SORBS2: variants seen among roughly 807,000 people sequenced by gnomAD.
SORBS2 encodes the protein sorbin and SH3 domain containing 2.
SORBS2 carries 46 observed loss-of-function variants against 97.7 expected under a neutral mutation model. The observed-to-expected ratio is 0.47, with a 90% CI of 0.37 to 0.60. The LOEUF (loss-of-function observed/expected upper bound fraction) is 0.60, where lower values mean the gene tolerates loss of function less well. Ranked by LOEUF, SORBS2 falls within the 20% of genes least tolerant of loss-of-function variation. The pLI, the probability that SORBS2 is intolerant of heterozygous loss-of-function variation, is 0.00. For synonymous variants in SORBS2, 476 were observed against 473.4 expected (o/e 1.01, Z -0.07); for missense variants, 1,316 against 1,282.3 (o/e 1.03, Z -0.40).
chr4:185,940,705 C>T (rs2099271527), intron 1 of SORBS2, among the ~76,000 whole-genome samples: 1 of 152,330 alleles, frequency 6.6e-6, no homozygotes, highest in Admixed American at 6.5e-5. Flanking sequence ...TTGTTCCAGC[C>T]TAGGTACTTT....
At chr4:185,897,635 T>C (rs2099245679) in intron 1 of SORBS2, among the ~76,000 whole-genome samples, 1 of 152,128 alleles carries the variant, frequency 6.6e-6, no homozygotes, top group Admixed American at 6.5e-5. Context: ...GACACAACCA[T>C]AACTACTGCA....
At chr4:185,661,416 T>C (rs558460171), upstream of SORBS2, among the ~76,000 whole-genome samples, 2 of 152,316 alleles carry the variant, frequency 1.3e-5, 1 homozygote, top group South Asian at 4.1e-4. Flanking sequence ...CAGGAAATTA[T>C]CTGCTTACAA....
intron 1 of SORBS2, among the ~76,000 whole-genome samples, chr4:185,855,708 T>A (rs2099220323): frequency 6.6e-6 from 1 of 152,202 alleles, no homozygotes; most frequent in South Asian, 2.1e-4. Flanking sequence ...TGTACCCTCA[T>A]AAGATACTGG....
At chr4:185,591,142 C>A (rs1158895603) in intron 13 of SORBS2, among the ~76,000 whole-genome samples, 2 of 152,122 alleles carry the variant, frequency 1.3e-5, no homozygotes, top group Non-Finnish European at 2.9e-5. Flanking sequence ...TACTGGCTTC[C>A]CCCCGTTCAT....
At chr4:185,699,740 G>A (rs573862569) in intron 2 of SORBS2, among the ~76,000 whole-genome samples, 10 of 152,258 alleles carry the variant, frequency 6.6e-5, no homozygotes, top group African/African-American at 2.4e-4. Flanking sequence ...TTGAACAGTG[G>A]ATAGTTTATT....
At chr4:185,696,693 C>T (rs1322701699) in intron 2 of SORBS2, among the ~76,000 whole-genome samples, 1 of 152,132 alleles carries the variant, frequency 6.6e-6, no homozygotes, top group African/African-American at 2.4e-5. Flanking sequence ...CCACCCGCCT[C>T]GGCCTCCCAA....
chr4:185,953,428 G>A (rs2099278150), intron 1 of SORBS2, among the ~76,000 whole-genome samples: 1 of 152,180 alleles, frequency 6.6e-6, no homozygotes, highest in African/African-American at 2.4e-5. Context: ...CCCTTCCTTT[G>A]GAAAAATCTC....
upstream of SORBS2, among the ~76,000 whole-genome samples, chr4:185,661,324 A>G (rs1363307395): frequency 6.6e-6 from 1 of 152,118 alleles, no homozygotes; most frequent in Non-Finnish European, 1.5e-5. Flanking sequence ...AACTATCTGA[A>G]CATACTTGAC....
chr4:185,638,029 C>A, intron 4 of SORBS2, 50 bp downstream of exon 15: 2 of 1,119,010 alleles, frequency 1.8e-6, no homozygotes, highest in South Asian at 2.5e-5. Context: ...TTTTAGAAAT[C>A]AAACAGTATA....
At chr4:185,645,870 G>A (rs1035792049) in intron 4 of SORBS2, 16 of 152,218 alleles carry the variant, frequency 1.1e-4, no homozygotes, top group Admixed American at 1.0e-3. Context: ...ACATGCAAGG[G>A]AGTATTGGGG....
chr4:185,752,486 C>G (rs2098807098), intron 2 of SORBS2, among the ~76,000 whole-genome samples: 1 of 152,210 alleles, frequency 6.6e-6, no homozygotes, highest in South Asian at 2.1e-4. Context: ...CCGTGTTGGC[C>G]AGGATGGTCT....
chr4:185,655,192 G>A (rs1190628620), intron 1 of SORBS2, among the ~76,000 whole-genome samples: 1 of 152,164 alleles, frequency 6.6e-6, no homozygotes, highest in African/African-American at 2.4e-5. Flanking sequence ...CATTAAAATA[G>A]CTCAAAAGTA....
At chr4:185,806,434 C>CTG (rs2099153884) in intron 1 of SORBS2, among the ~76,000 whole-genome samples, 1 of 108,110 alleles carries the variant, frequency 9.2e-6, no homozygotes. Flanking sequence ...GGCTAGAATC[C>CTG]TATTTTTTTT....
chr4:185,632,952 T>C (rs2096931758), intron 4 of SORBS2, among the ~76,000 whole-genome samples: 1 of 152,202 alleles, frequency 6.6e-6, no homozygotes, highest in Admixed American at 6.5e-5. Context: ...ACTTGTACAA[T>C]AATTGTAAGA....
intron 1 of SORBS2, among the ~76,000 whole-genome samples, chr4:185,873,677 T>C (rs535001417): frequency 6.6e-6 from 1 of 152,320 alleles, no homozygotes; most frequent in East Asian, 1.9e-4. Context: ...AGACTGGGGT[T>C]TGATGCAACT....
intron 1 of SORBS2, among the ~76,000 whole-genome samples, chr4:185,912,500 G>T (rs1028194876): frequency 7.0e-6 from 1 of 142,520 alleles, no homozygotes; most frequent in African/African-American, 2.6e-5. Context: ...CAGGAGAATC[G>T]CTTGCACCCA....
intron 9 of SORBS2, among the ~76,000 whole-genome samples, chr4:185,616,937 C>T (rs935392074): frequency 1.2e-4 from 18 of 152,192 alleles, no homozygotes; most frequent in African/African-American, 4.1e-4. Flanking sequence ...TCAGTAGAGA[C>T]GGGGTTTCAC....
chr4:185,672,635 C>G (rs1325532953), intron 4 of SORBS2, among the ~76,000 whole-genome samples: 1 of 152,156 alleles, frequency 6.6e-6, no homozygotes, highest in Non-Finnish European at 1.5e-5. Flanking sequence ...TAACAGTGAC[C>G]TGTAGTTTTC....
At chr4:185,725,490 T>C (rs373015132) in intron 2 of SORBS2, among the ~76,000 whole-genome samples, 2 of 152,204 alleles carry the variant, frequency 1.3e-5, no homozygotes, top group South Asian at 2.1e-4. Flanking sequence ...AGCTAATCTC[T>C]CTGAGTTTCA....
Sources: allele counts gnomAD v4.1 joint callset (sites outside exome capture counted in the v4.1 genomes callset), GRCh38; gene constraint gnomAD v4.1.1; transcripts MANE v1.5; gene names NCBI Gene and HGNC (gene_info 2026-07-23, HGNC 2026-07-21).